Variants in GPC3 observed in about 807,000 individuals in gnomAD.
GPC3 encodes the protein glypican-3.
In GPC3, 3 loss-of-function variants were observed where a neutral mutation model predicts 34.4. That is an observed-to-expected ratio of 0.09 (90% CI 0.04 to 0.23). The LOEUF is 0.23. Ranked by LOEUF, GPC3 falls within the 10% of genes least tolerant of loss-of-function variation. The pLI is 1.00. For synonymous variants in GPC3, 177 were observed against 174.0 expected (o/e 1.02, Z -0.13); for missense variants, 351 against 445.6 (o/e 0.79, Z 1.91).
chrX:133,906,972 G>A (rs1413889230), intron 2 of GPC3, among the ~76,000 whole-genome samples: 1 of 109,629 alleles, frequency 9.1e-6, no homozygotes, highest in East Asian at 2.9e-4. Flanking sequence ...GTGGTGGCGG[G>A]CGCCTGTAGT....
At chrX:133,834,615 A>G (rs1171535278) in intron 2 of GPC3, among the ~76,000 whole-genome samples, 1 of 112,015 alleles carries the variant, frequency 8.9e-6, no homozygotes, top group Non-Finnish European at 1.9e-5. Flanking sequence ...TAGATGATCA[A>G]CCACATTCTC....
intron 7 of GPC3, among the ~76,000 whole-genome samples, chrX:133,593,330 CAAAAAAA>C (rs756083308): frequency 3.0e-3 from 30 of 9,886 alleles, no homozygotes; most frequent in African/African-American, 9.6e-3. Flanking sequence ...GAGACTGTCT[CAAAAAAA>C]AAAAAAAAAA....
intron 4 of GPC3, 63 bp downstream of exon 4, chrX:133,699,832 T>G: frequency 1.0e-6 from 1 of 985,633 alleles, no homozygotes; most frequent in Non-Finnish European, 1.4e-6. Flanking sequence ...ACTCTAGTGG[T>G]TTTTGACCTT....
intron 2 of GPC3, among the ~76,000 whole-genome samples, chrX:133,785,806 C>T (rs895693350): frequency 8.9e-6 from 1 of 111,882 alleles, no homozygotes; most frequent in African/African-American, 3.2e-5. Flanking sequence ...AATTTCTTGA[C>T]GGGCAAGGCA....
At chrX:133,908,371 G>C (rs1013267453) in intron 2 of GPC3, among the ~76,000 whole-genome samples, 2 of 110,818 alleles carry the variant, frequency 1.8e-5, no homozygotes, top group East Asian at 2.8e-4. Flanking sequence ...AGTGAACACA[G>C]AGCCCCTACC....
chrX:133,629,592 C>T (rs1379787485), intron 6 of GPC3, among the ~76,000 whole-genome samples: 1 of 107,732 alleles, frequency 9.3e-6, no homozygotes, highest in Admixed American at 1.0e-4. Flanking sequence ...GACAGGGTTT[C>T]ACTACGTTGG....
At chrX:133,907,298 C>T (rs1364319047) in intron 2 of GPC3, among the ~76,000 whole-genome samples, 2 of 110,855 alleles carry the variant, frequency 1.8e-5, no homozygotes, top group Non-Finnish European at 3.8e-5. Context: ...TTTCATAAGT[C>T]CCTTCATATA....
intron 1 of GPC3, among the ~76,000 whole-genome samples, chrX:133,982,880 C>A (rs777438321): frequency 1.8e-5 from 2 of 112,324 alleles, no homozygotes; most frequent in South Asian, 3.7e-4. Context: ...TGAACGACAG[C>A]AGCAAATTAT....
chrX:133,844,622 G>T (rs1395552589), intron 2 of GPC3, among the ~76,000 whole-genome samples: 1 of 111,374 alleles, frequency 9.0e-6, no homozygotes, highest in African/African-American at 3.3e-5. Context: ...AAAAGAAGAA[G>T]GGTAAAGAAA....
rs1207700056 is a variant in GPC3, at chrX:133,676,932, C to T, written c.1293-15082G>A. The stretch of plus-strand genomic sequence containing the variant: ...TTTGCTCTTAACCTGCCCTTCAGCC[C>T]TTGGCACTCCCCCAATGTCTCTCTC... On this transcript the variant is annotated intron_variant, in intron 5 of 7. Coordinates refer to ENST00000370818, the MANE Select transcript of GPC3 (RefSeq NM_004484.4). Among the ~76,000 whole-genome samples the T allele has an allele frequency of 6.4e-5, 7 of 109,916 alleles. No homozygotes were observed. The East Asian group carries it at 2.0e-3, about 32-fold the overall frequency.
At chrX:133,650,099 T>C (rs971267983) in intron 6 of GPC3, among the ~76,000 whole-genome samples, 3 of 111,758 alleles carry the variant, frequency 2.7e-5, no homozygotes, top group African/African-American at 9.8e-5. Context: ...ACATATTATA[T>C]GCTGCTCAAA....
chrX:133,904,439 A>G (rs186549054), intron 2 of GPC3, among the ~76,000 whole-genome samples: 17 of 112,130 alleles, frequency 1.5e-4, no homozygotes, highest in African/African-American at 5.2e-4. Context: ...TGCTAAAACT[A>G]TTATCAGGCT....
intron 2 of GPC3, among the ~76,000 whole-genome samples, chrX:133,820,191 T>C (rs1293647688): frequency 5.4e-5 from 6 of 111,898 alleles, no homozygotes; most frequent in Admixed American, 2.9e-4. Context: ...CATGATAATA[T>C]ATGTAACTGA....
chrX:133,893,593 T>C (rs979663388), intron 2 of GPC3, among the ~76,000 whole-genome samples: 2 of 111,636 alleles, frequency 1.8e-5, no homozygotes, highest in African/African-American at 3.3e-5. Context: ...AGTGATGATA[T>C]GCAGGTTTCC....
At chrX:133,752,581 A>C (rs1287479846) in intron 3 of GPC3, among the ~76,000 whole-genome samples, 1 of 111,331 alleles carries the variant, frequency 9.0e-6, no homozygotes, top group Non-Finnish European at 1.9e-5. Context: ...AGGGAAACTG[A>C]CTGGTAACTC....
At chrX:133,697,995 G>A (rs188000025) in intron 4 of GPC3, among the ~76,000 whole-genome samples, 42 of 112,420 alleles carry the variant, frequency 3.7e-4, no homozygotes, top group African/African-American at 1.1e-3. Context: ...CAAGGGTGGA[G>A]GGAACTGTGT....
At chrX:133,861,287 G>T (rs1243295321) in intron 2 of GPC3, among the ~76,000 whole-genome samples, 1 of 110,855 alleles carries the variant, frequency 9.0e-6, no homozygotes, top group Non-Finnish European at 1.9e-5. Context: ...AAAAGAAGAG[G>T]TGCTATGGCA....
intron 2 of GPC3, among the ~76,000 whole-genome samples, chrX:133,795,943 C>CTTTTT (rs753300332): frequency 1.2e-5 from 1 of 84,937 alleles, no homozygotes; most frequent in Non-Finnish European, 2.3e-5. Context: ...TTTCTTTTTC[C>CTTTTT]TTTTTTTTTT....
chrX:133,804,321 G>A (rs1297386553), intron 2 of GPC3, among the ~76,000 whole-genome samples: 7 of 110,850 alleles, frequency 6.3e-5, no homozygotes, highest in African/African-American at 3.3e-5. Flanking sequence ...GGCGGGGATC[G>A]AGCCCCATTC....
Sources: allele counts gnomAD v4.1 joint callset (sites outside exome capture counted in the v4.1 genomes callset), GRCh38; gene constraint gnomAD v4.1.1; transcripts MANE v1.5; gene names NCBI Gene and HGNC (gene_info 2026-07-23, HGNC 2026-07-21).